OTUD7A: variants seen among roughly 807,000 people sequenced by gnomAD.
OTUD7A encodes OTU deubiquitinase 7A.
In OTUD7A, 12 loss-of-function variants were observed where a neutral mutation model predicts 65.7. The ratio of observed to expected loss-of-function variants is 0.18; its 90% CI spans 0.12 to 0.30. The LOEUF (loss-of-function observed/expected upper bound fraction) is 0.30. OTUD7A is among the 10% of genes least tolerant of loss of function. The probability of loss-of-function intolerance (pLI) is 1.00; values close to 1 mark genes in which losing one functional copy is unlikely to be tolerated. For synonymous variants in OTUD7A, 641 were observed against 586.3 expected, an observed-to-expected ratio of 1.09 and a Z score of -1.35; for missense variants, 1,148 against 1,304.8, an observed-to-expected ratio of 0.88 and a Z score of 1.85.
intron 1 of OTUD7A, among the ~76,000 whole-genome samples, chr15:31,711,469 C>A (rs1246004649): frequency 6.6e-6 from 1 of 151,016 alleles, no homozygotes; most frequent in Non-Finnish European, 1.5e-5. Flanking sequence ...CTTTATATCA[C>A]CACTCTCCAG....
At chr15:31,591,597 T>TC (rs1889725840) in intron 3 of OTUD7A, among the ~76,000 whole-genome samples, 1 of 152,296 alleles carries the variant, frequency 6.6e-6, no homozygotes, top group South Asian at 2.1e-4. Context: ...CTCCCAGTTC[T>TC]CCAGCATGCT....
chr15:31,541,612 G>A (rs1390502099), intron 5 of OTUD7A, among the ~76,000 whole-genome samples: 3 of 152,124 alleles, frequency 2.0e-5, no homozygotes, highest in Non-Finnish European at 4.4e-5. Context: ...CCTTTCAAAT[G>A]TATATCCAAG....
At chr15:31,623,057 CAGCA>C (rs1330407206) in intron 3 of OTUD7A, among the ~76,000 whole-genome samples, 2 of 152,236 alleles carry the variant, frequency 1.3e-5, no homozygotes, top group Non-Finnish European at 2.9e-5. Context: ...TGGGTATCAG[CAGCA>C]GAGGCTGCAG....
intron 3 of OTUD7A, among the ~76,000 whole-genome samples, chr15:31,574,172 T>A (rs1889135527): frequency 6.6e-6 from 1 of 152,214 alleles, no homozygotes; most frequent in Non-Finnish European, 1.5e-5. Context: ...GTTATAAACA[T>A]AATTGTATTG....
intron 8 of OTUD7A, among the ~76,000 whole-genome samples, chr15:31,517,989 C>T (rs1403789329): frequency 6.6e-6 from 1 of 152,128 alleles, no homozygotes; most frequent in Non-Finnish European, 1.5e-5. Context: ...CCTCCCAGGT[C>T]CCTCCCCATA....
chr15:31,620,186 T>C (rs1292676127), intron 3 of OTUD7A, among the ~76,000 whole-genome samples: 1 of 152,182 alleles, frequency 6.6e-6, no homozygotes, highest in Non-Finnish European at 1.5e-5. Context: ...TTATTGAGGA[T>C]TTTTGCATCG....
chr15:31,655,331 C>T (rs965091792), intron 2 of OTUD7A, 81 bp from the exon 3 acceptor site: 13 of 635,874 alleles, frequency 2.0e-5, no homozygotes, highest in Admixed American at 3.3e-5. Flanking sequence ...GAGACCTGAG[C>T]GAGAGAACCC....
intron 1 of OTUD7A, among the ~76,000 whole-genome samples, chr15:31,661,887 G>A (rs768835361): frequency 2.8e-4 from 43 of 152,112 alleles, no homozygotes; most frequent in African/African-American, 4.1e-4. Context: ...TTTTGCCTCC[G>A]TCTTTTTCCC....
intron 1 of OTUD7A, among the ~76,000 whole-genome samples, chr15:31,805,272 T>C (rs1320367725): frequency 6.6e-6 from 1 of 152,228 alleles, no homozygotes; most frequent in East Asian, 1.9e-4. Flanking sequence ...AAAAGGCAGG[T>C]GTAACCAACC....
chr15:31,505,256 A>T (rs1342625610), intron 8 of OTUD7A, among the ~76,000 whole-genome samples: 1 of 152,194 alleles, frequency 6.6e-6, no homozygotes, highest in Non-Finnish European at 1.5e-5. Context: ...GAGGAGAATA[A>T]AGGAAGGAAT....
At chr15:31,691,081 T>G (rs1417532761) in intron 1 of OTUD7A, among the ~76,000 whole-genome samples, 1 of 152,174 alleles carries the variant, frequency 6.6e-6, no homozygotes, top group Non-Finnish European at 1.5e-5. Context: ...CCCCTGTAAC[T>G]CAACAGGAAG....
At chr15:31,633,351 T>C (rs1327288985) in intron 3 of OTUD7A, among the ~76,000 whole-genome samples, 1 of 152,178 alleles carries the variant, frequency 6.6e-6, no homozygotes. Context: ...TATGGATGCC[T>C]CTCCAACTTC....
chr15:31,800,890 T>A (rs1896103918), intron 1 of OTUD7A, among the ~76,000 whole-genome samples: 1 of 152,074 alleles, frequency 6.6e-6, no homozygotes, highest in African/African-American at 2.4e-5. Flanking sequence ...TTGCTGTGGA[T>A]TTCCTGCAGC....
intron 1 of OTUD7A, among the ~76,000 whole-genome samples, chr15:31,837,314 G>T (rs1046937694): frequency 2.0e-5 from 3 of 150,806 alleles, no homozygotes; most frequent in African/African-American, 7.4e-5. Context: ...GGATCATGAG[G>T]TCAAGAGTTC....
intron 3 of OTUD7A, among the ~76,000 whole-genome samples, chr15:31,638,644 C>T (rs1284367080): frequency 2.6e-5 from 4 of 151,828 alleles, no homozygotes; most frequent in African/African-American, 7.3e-5. Flanking sequence ...TATCCGTCCT[C>T]CTTGGCTCTC....
At chr15:31,551,709 C>T (rs1016102984) in intron 5 of OTUD7A, among the ~76,000 whole-genome samples, 5 of 152,212 alleles carry the variant, frequency 3.3e-5, no homozygotes, top group African/African-American at 1.2e-4. Flanking sequence ...GATTCTTGCC[C>T]TAAATGTGAC....
chr15:31,515,303 T>C (rs778216124), intron 8 of OTUD7A, among the ~76,000 whole-genome samples: 1 of 152,040 alleles, frequency 6.6e-6, no homozygotes, highest in Non-Finnish European at 1.5e-5. Context: ...CCATCTTCAC[T>C]TCCTGGCAGA....
intron 1 of OTUD7A, among the ~76,000 whole-genome samples, chr15:31,712,079 T>G (rs1257343648): frequency 6.6e-6 from 1 of 151,800 alleles, no homozygotes; most frequent in Non-Finnish European, 1.5e-5. Context: ...CTACCTCTGC[T>G]TAGGGCGGTG....
chr15:31,550,936 G>C (rs1344074952), intron 5 of OTUD7A, among the ~76,000 whole-genome samples: 5 of 152,158 alleles, frequency 3.3e-5, no homozygotes, highest in Admixed American at 2.6e-4. Flanking sequence ...AATGCTCAAG[G>C]GCAAGCAGAC....
Sources: gnomAD v4.1 joint callset for allele counts (sites outside exome capture counted in the v4.1 genomes callset) on GRCh38, gnomAD v4.1.1 for gene constraint, MANE v1.5 for transcripts, NCBI Gene and HGNC (gene_info 2026-07-23, HGNC 2026-07-21) for gene names.